DNAAF2: variants seen among roughly 807,000 people sequenced by gnomAD.
DNAAF2 encodes dynein axonemal assembly factor 2, also known as protein kintoun.
Under a neutral mutation model 48.8 loss-of-function variants are expected in DNAAF2, and 58 were observed. The observed-to-expected ratio is 1.19, with a 90% CI of 0.96 to 1.48. DNAAF2 has a LOEUF of 1.48. Ranked by LOEUF, DNAAF2 falls within the 40% of genes most tolerant of loss-of-function variation. The pLI, the probability that DNAAF2 is intolerant of heterozygous loss-of-function variation, is 0.00. For missense variants in DNAAF2, 1,241 were observed against 1,116.1 expected (o/e 1.11, Z -1.59); for synonymous variants, 567 against 481.2 (o/e 1.18, Z -2.33).
At chr14:49,627,056 G>A (rs1883028045) in intron 2 of DNAAF2, among the ~76,000 whole-genome samples, 1 of 150,792 alleles carries the variant, frequency 6.6e-6, no homozygotes, top group Non-Finnish European at 1.5e-5. Context: ...CGCCTGCCTC[G>A]GTCTCCCAAA....
At chr14:49,632,490 G>A (rs1010072679) in intron 1 of DNAAF2, among the ~76,000 whole-genome samples, 38 of 150,936 alleles carry the variant, frequency 2.5e-4, no homozygotes, top group African/African-American at 8.5e-4. Context: ...TTGTTGCCCA[G>A]GCTGGAGTGC....
At position 49,634,928 on chromosome 14, in the gene DNAAF2, G is replaced by A. The variant is rs1413276440; in HGVS notation, c.222C>T (p.Pro74=). 3 of 1,554,168 alleles carry A rather than the reference G, an allele frequency of 1.9e-6. No homozygotes were observed. Among genetic ancestry groups the A allele is most frequent in the Admixed American group, 1.9e-5 (1 of 51,506 alleles). The change falls in exon 1 of 3, where the codon CCC becomes CCT. Residue 74 remains proline (P), a synonymous_variant. Coordinates refer to ENST00000298292, the MANE Select transcript of DNAAF2 (RefSeq NM_018139.3). ...GVEVRFVHPE[P]GHVLRTSLDG... is the part of the protein sequence containing the mutation. ...CCAGGCTGGTGCGCAGCACATGGCC[G>A]GGCTCCGGGTGCACGAACCGCACTT...
At position 49,634,395 on chromosome 14, in the gene DNAAF2, TCGGTGGGGGCGGGCTGCAAGGCCGCTTC is replaced by T. The variant is rs770045708; in HGVS notation, c.727_754del (p.Glu243SerfsTer33). The T allele has an allele frequency of 6.3e-7, 1 of 1,589,004 alleles. No homozygotes were observed. The highest frequency in any genetic ancestry group is 1.7e-5 in the Admixed American group (1 of 57,234). ...GCGCTGCACCACGCTGTAGCGAGGC[TCGGTGGGGGCGGGCTGCAAGGCCGCTTC>T]CGGAGGGGAGGGCGCCCGGGGCCCG... On this transcript the variant is annotated frameshift_variant, in exon 1 of 3. Coordinates refer to ENST00000298292, the MANE Select transcript of DNAAF2 (RefSeq NM_018139.3). LOFTEE classifies it high-confidence loss of function.
chr14:49,625,847 G>C lies in DNAAF2; in HGVS notation c.2209C>G (p.Gln737Glu). Residue 737 changes from glutamine (Q) to glutamate (E), a missense_variant, in exon 3 of 3, where the codon CAA becomes GAA. Physicochemically the swap from Gln to Glu is conservative, Grantham distance 29. Coordinates refer to ENST00000298292, the MANE Select transcript of DNAAF2 (RefSeq NM_018139.3). ...TGCTGAGATTTTCCAAGTATCATTT[G>C]AGAAACATCAAGAGACTCTTGTTGA... Reference protein sequence around the residue: ...CFQQESLDVSQMILGKSQQPE... With the variant: ...CFQQESLDVSEMILGKSQQPE... 1 of 1,609,838 alleles carries C rather than the reference G, an allele frequency of 6.2e-7. No individual in the cohort carries two copies. Among genetic ancestry groups the C allele is most frequent in the Non-Finnish European group, 8.5e-7 (1 of 1,178,840 alleles).
At position 49,634,999 on chromosome 14, in the gene DNAAF2, G is replaced by C. The variant is rs1229050956; in HGVS notation, c.151C>G (p.Arg51Gly). ...EELTDPENRR[R>G]YEAEITALER... is the part of the protein sequence containing the mutation. ...AGCGCGGTGATCTCCGCCTCGTAGC[G>C]CCGCCGGTTCTCCGGGTCGGTGAGC... Residue 51 changes from arginine to glycine, a missense_variant, in exon 1 of 3, where the codon CGC becomes GGC. Physicochemically the swap from Arg to Gly is moderately radical, Grantham distance 125 (BLOSUM62 -2). Transcript: ENST00000298292. 1.3e-6 allele frequency: 2 copies of C among 1,566,044 alleles called. No individual in the cohort carries two copies. The highest frequency in any genetic ancestry group is 1.7e-6 in the Non-Finnish European group (2 of 1,155,778).
chr14:49,629,244 T>A (rs1209650050), intron 1 of DNAAF2: 1 of 152,694 alleles, frequency 6.5e-6, no homozygotes, highest in African/African-American at 2.4e-5. Context: ...ATTACAGGCG[T>A]GAGCCACCAC....
Position 49,633,546 on chromosome 14 carries a change from G to A in DNAAF2, c.1604C>T (p.Thr535Ile). The change falls in exon 1 of 3, where the codon ACT (threonine) becomes ATT (isoleucine). Residue 535 changes from threonine (T) to isoleucine (I), a missense_variant. Physicochemically the swap from Thr to Ile is moderately conservative, Grantham distance 89. Transcript: ENST00000298292. ...GATCCGAGGCACCTGAATGAGCAGAGTCAAGGTTTCTTTGTCCTGATTACA... is the reference window on the plus strand; with the variant it reads ...GATCCGAGGCACCTGAATGAGCAGAATCAAGGTTTCTTTGTCCTGATTACA... ...LLCNQDKETL[T>I]LLIQVPRIQP... 6.2e-7 allele frequency: 1 copy of A among 1,614,034 alleles called. No homozygotes were observed. The highest frequency in any genetic ancestry group is 8.5e-7 in the Non-Finnish European group (1 of 1,179,890).
In DNAAF2 at chr14:49,634,644, A is replaced by G. The variant is rs1208445913; in HGVS notation, c.506T>C (p.Leu169Pro). ...GFRQMLDATA[L>P]EAVEKQFGVK... is the part of the protein sequence containing the mutation. ...GCCGAACTGCTTCTCGACGGCCTCCAGGGCCGTGGCGTCCAGCATCTGGCG... is the reference window on the plus strand; with the variant it reads ...GCCGAACTGCTTCTCGACGGCCTCCGGGGCCGTGGCGTCCAGCATCTGGCG... Residue 169 changes from leucine (L) to proline (P), a missense_variant, in exon 1 of 3, where the codon CTG (leucine) becomes CCG (proline). Leu to Pro is a moderately conservative substitution (Grantham distance 98). Transcript: ENST00000298292. 1.9e-6 allele frequency: 3 copies of G among 1,607,234 alleles called. No homozygotes were observed. The highest frequency in any genetic ancestry group is 1.7e-6 in the Non-Finnish European group (2 of 1,179,688).
Position 49,635,121 on chromosome 14 carries a change from A to G in DNAAF2, c.29T>C (p.Leu10Pro). 1 of 1,566,526 alleles carries G rather than the reference A, an allele frequency of 6.4e-7. No homozygotes were observed. Among genetic ancestry groups the G allele is most frequent in the Non-Finnish European group, 8.6e-7 (1 of 1,156,412 alleles). ...CTCTCCGCTCAGGTCCAAGTCCTCC[A>G]GCGACGAGGAGGCCGCCGCTTTGGC... MAKAAASSSLEDLDLSGEEV... is the reference protein window; with the variant it reads MAKAAASSSPEDLDLSGEEV... The change falls in exon 1 of 3, where the codon CTG (leucine) becomes CCG (proline). Residue 10 changes from leucine (L) to proline (P), a missense_variant. Coordinates refer to ENST00000298292, the MANE Select transcript of DNAAF2 (RefSeq NM_018139.3).
Position 49,633,551 on chromosome 14 carries a change from G to A in DNAAF2, c.1599C>T (p.Thr533=). The A allele has an allele frequency of 6.2e-7, 1 of 1,614,032 alleles. No individual in the cohort carries two copies. Among genetic ancestry groups the A allele is most frequent in the South Asian group, 1.1e-5 (1 of 91,084 alleles). Residue 533 remains threonine, a synonymous_variant, in exon 1 of 3, where the codon ACC becomes ACT. Coordinates refer to ENST00000298292, the MANE Select transcript of DNAAF2 (RefSeq NM_018139.3). ...PPLLCNQDKE[T]LTLLIQVPRI... ...GAGGCACCTGAATGAGCAGAGTCAA[G>A]GTTTCTTTGTCCTGATTACACAGTA...
rs1883271468 is a variant in DNAAF2 at position 49,634,390 on chromosome 14, G to T, written c.760C>A (p.Arg254Ser). ...TGGTGGCGCTGCACCACGCTGTAGC[G>T]AGGCTCGGTGGGGGCGGGCTGCAAG... ...AALQPAPTEP[R>S]YSVVQRHHVD... is the part of the protein sequence containing the mutation. Residue 254 changes from arginine (R) to serine (S), a missense_variant, in exon 1 of 3, where the codon CGC becomes AGC. Coordinates refer to ENST00000298292, the MANE Select transcript of DNAAF2 (RefSeq NM_018139.3). 5 of 1,592,714 alleles carry T rather than the reference G, an allele frequency of 3.1e-6. No individual in the cohort carries two copies. Among genetic ancestry groups the T allele is most frequent in the Non-Finnish European group, 2.6e-6 (3 of 1,169,266 alleles).
At chr14:49,633,239 A>G (rs748778892) in intron 1 of DNAAF2, 48 bp downstream of exon 1, 1 of 1,590,906 alleles carries the variant, frequency 6.3e-7, no homozygotes, top group South Asian at 1.1e-5. Flanking sequence ...AAATTTTTAA[A>G]GTGAGATGGG....
Position 49,633,703 on chromosome 14 carries a change from T to C in DNAAF2, c.1447A>G (p.Arg483Gly). ...RSLAWGSSAGRESARGDSSVE... is the reference protein window; with the variant it reads ...RSLAWGSSAGGESARGDSSVE... ...CTGCTATCTCCGCGCGCACTCTCTC[T>C]TCCCGCAGAAGAACCCCACGCCAGG... Residue 483 changes from arginine to glycine, a missense_variant, in exon 1 of 3, where the codon AGA (arginine) becomes GGA (glycine). Coordinates refer to ENST00000298292, the MANE Select transcript of DNAAF2 (RefSeq NM_018139.3). The C allele has an allele frequency of 1.2e-6, 2 of 1,602,290 alleles. No homozygotes were observed. The highest frequency in any genetic ancestry group is 1.7e-6 in the Non-Finnish European group (2 of 1,172,744).
chr14:49,626,540 C>T (rs1350206914), intron 2 of DNAAF2, among the ~76,000 whole-genome samples: 1 of 152,088 alleles, frequency 6.6e-6, no homozygotes, highest in African/African-American at 2.4e-5. Context: ...TGTTTTGAGA[C>T]GGAGTCTTGC....
At chr14:49,626,164 G>T in intron 2 of DNAAF2, 116 bp from the exon 3 acceptor site, 1 of 789,180 alleles carries the variant, frequency 1.3e-6, no homozygotes, top group Non-Finnish European at 1.8e-6. Flanking sequence ...TTACAGACCT[G>T]CAGGTATACA....
In DNAAF2 at chr14:49,634,399, T is replaced by C; in HGVS notation, c.751A>G (p.Thr251Ala). 6.3e-7 allele frequency: 1 copy of C among 1,584,708 alleles called. No homozygotes were observed. The highest frequency in any genetic ancestry group is 8.6e-7 in the Non-Finnish European group (1 of 1,165,638). Reference sequence around the variant, plus strand: ...TGCACCACGCTGTAGCGAGGCTCGGTGGGGGCGGGCTGCAAGGCCGCTTCC... The same window carrying C: ...TGCACCACGCTGTAGCGAGGCTCGGCGGGGGCGGGCTGCAAGGCCGCTTCC... Reference protein sequence around the residue: ...PPEAALQPAPTEPRYSVVQRH... With the variant: ...PPEAALQPAPAEPRYSVVQRH... The change falls in exon 1 of 3, where the codon ACC becomes GCC. Residue 251 changes from threonine (T) to alanine (A), a missense_variant. By Grantham distance (58) the Thr-to-Ala change is moderately conservative. Transcript: ENST00000298292.
In DNAAF2 at chr14:49,626,068, AAATT is replaced by A; in HGVS notation, c.2008-24_2008-21del. 8 of 1,395,906 alleles carry A rather than the reference AAATT, an allele frequency of 5.7e-6. No individual in the cohort carries two copies. The highest frequency in any genetic ancestry group is 6.5e-6 in the Non-Finnish European group (7 of 1,077,912). The allele number at this position is 1,395,906 out of a possible 1,614,324, so 86.5% of individuals were successfully genotyped here. The stretch of plus-strand genomic sequence containing the variant: ...TTGCAACTGTGTCAAGAGAAACAAC[AAATT>A]AATAATTATTTTAAATAATACAAAA... On this transcript the variant is annotated intron_variant, in intron 2 of 2. Coordinates refer to ENST00000298292, the MANE Select transcript of DNAAF2 (RefSeq NM_018139.3).
At chr14:49,631,578 G>A (rs2354448) in intron 1 of DNAAF2, among the ~76,000 whole-genome samples, 98,237 of 151,832 alleles carry the variant, frequency 0.65, 33,769 homozygotes, top group Non-Finnish European at 0.76. Flanking sequence ...TGAGTGAGCC[G>A]CCCCACTGCA....
chr14:49,628,202 A>G, intron 1 of DNAAF2, 47 bp from the exon 2 acceptor site: 1 of 1,461,008 alleles, frequency 6.8e-7, no homozygotes, highest in Non-Finnish European at 9.3e-7. Flanking sequence ...GTCCCACTTG[A>G]CAACAGTTGT....
Sources: gnomAD v4.1 joint callset for allele counts (sites outside exome capture counted in the v4.1 genomes callset) on GRCh38, gnomAD v4.1.1 for gene constraint, MANE v1.5 for transcripts, NCBI Gene and HGNC (gene_info 2026-07-23, HGNC 2026-07-21) for gene names.